The following CCNY variants were observed in gnomAD, a reference collection of about 807,000 sequenced individuals.
The protein encoded by CCNY is cyclin-Y.
CCNY carries 19 observed loss-of-function variants against 42.8 expected under a neutral mutation model. The observed-to-expected ratio is 0.44, with a 90% CI of 0.31 to 0.65. CCNY has a LOEUF of 0.65. Among genes scored for constraint, CCNY ranks in the 30% least tolerant of loss-of-function variants. The pLI is 0.07. For missense variants in CCNY, 370 were observed against 437.3 expected (o/e 0.85, Z 1.37); for synonymous variants, 165 against 162.7 (o/e 1.01, Z -0.11).
At chr10:35,302,824 A>C (rs1835554213) in intron 3 of CCNY, among the ~76,000 whole-genome samples, 1 of 152,220 alleles carries the variant, frequency 6.6e-6, no homozygotes, top group Admixed American at 6.5e-5. Flanking sequence ...AAACATTTTG[A>C]GACATGCTAG....
Position 35,416,160 on chromosome 10 carries a change from CGTGTGT to C in CCNY, c.155-67215_155-67210del, listed in dbSNP as rs57188309. ...ACCTGATCTGGAAACTTGTGGCACCCGTGTGTGTGTGTGTGTGTGTGTGTGTGTGTG... is the reference window on the plus strand; with the variant it reads ...ACCTGATCTGGAAACTTGTGGCACCCGTGTGTGTGTGTGTGTGTGTGTGTG... On this transcript the variant is annotated intron_variant, in intron 1 of 9. Transcript: ENST00000374704. Among the ~76,000 whole-genome samples, 22 of 144,590 alleles carry C rather than the reference CGTGTGT, an allele frequency of 1.5e-4. No individual in the cohort carries two copies. The East Asian group carries it at 3.3e-3, about 21-fold the overall frequency. 94.9% of individuals were successfully genotyped at this position (144,590 alleles called of 152,430 possible).
intron 7 of CCNY, among the ~76,000 whole-genome samples, chr10:35,535,988 C>G (rs1315681721): frequency 6.6e-6 from 1 of 152,140 alleles, no homozygotes; most frequent in Admixed American, 6.5e-5. Flanking sequence ...ATTATGAATC[C>G]TGCTGCTATG....
chr10:35,553,880 T>C (rs1841311191), intron 8 of CCNY, among the ~76,000 whole-genome samples: 1 of 151,846 alleles, frequency 6.6e-6, no homozygotes, highest in Non-Finnish European at 1.5e-5. Context: ...GTCTGGGGGG[T>C]CTCTAGGGAC....
At chr10:35,365,262 TACTC>T (rs1044000913) in intron 1 of CCNY, among the ~76,000 whole-genome samples, 8 of 152,230 alleles carry the variant, frequency 5.3e-5, no homozygotes, top group Non-Finnish European at 1.2e-4. Flanking sequence ...ATAAATTTGA[TACTC>T]AGCTAGAGAA....
At chr10:35,276,232 T>C (rs1835237488) in intron 3 of CCNY, among the ~76,000 whole-genome samples, 1 of 152,210 alleles carries the variant, frequency 6.6e-6, no homozygotes, top group South Asian at 2.1e-4. Context: ...TTGCTCTCTG[T>C]GCGAGGAACT....
intron 7 of CCNY, among the ~76,000 whole-genome samples, chr10:35,552,504 G>A (rs1271068605): frequency 6.6e-6 from 1 of 152,216 alleles, no homozygotes. Context: ...CAACACAACA[G>A]TGTGAATGTA....
chr10:35,305,759 T>A (rs189049990), intron 3 of CCNY, among the ~76,000 whole-genome samples: 2 of 152,176 alleles, frequency 1.3e-5, no homozygotes, highest in Admixed American at 1.3e-4. Context: ...GCTTGCTGAG[T>A]GCCCTTTGTA....
chr10:35,434,940 A>G (rs1457187373), intron 1 of CCNY, among the ~76,000 whole-genome samples: 1 of 151,954 alleles, frequency 6.6e-6, no homozygotes, highest in Non-Finnish European at 1.5e-5. Flanking sequence ...ACTCCTTTTT[A>G]CTTTGAGAAT....
At chr10:35,261,397 T>G (rs1284308255) in intron 3 of CCNY, among the ~76,000 whole-genome samples, 1 of 151,846 alleles carries the variant, frequency 6.6e-6, no homozygotes, top group Non-Finnish European at 1.5e-5. Context: ...GCTAACACTC[T>G]TGGCTAATTT....
intron 1 of CCNY, among the ~76,000 whole-genome samples, chr10:35,412,543 T>C (rs1193482676): frequency 6.6e-6 from 1 of 151,916 alleles, no homozygotes; most frequent in East Asian, 1.9e-4. Context: ...CCAGCCTAGC[T>C]GTTGAGGATT....
intron 3 of CCNY, among the ~76,000 whole-genome samples, chr10:35,292,157 C>A (rs755543401): frequency 3.3e-5 from 5 of 151,946 alleles, no homozygotes; most frequent in Non-Finnish European, 7.4e-5. Flanking sequence ...ATTTATACAT[C>A]TTTTTTGGAG....
intron 8 of CCNY, among the ~76,000 whole-genome samples, chr10:35,561,787 C>A (rs368866140): frequency 2.4e-4 from 36 of 152,348 alleles, no homozygotes; most frequent in African/African-American, 8.2e-4. Flanking sequence ...GCTTGGAAGG[C>A]AGCTGACTGT....
At chr10:35,319,548 T>A (rs114198052) in intron 3 of CCNY, among the ~76,000 whole-genome samples, 3,358 of 152,162 alleles carry the variant, frequency 0.022, 120 homozygotes, top group African/African-American at 0.076. Context: ...GACAAATTGG[T>A]TGAATGCCAC....
At chr10:35,550,552 C>T (rs1295252299) in intron 7 of CCNY, among the ~76,000 whole-genome samples, 2 of 152,086 alleles carry the variant, frequency 1.3e-5, no homozygotes, top group East Asian at 1.9e-4. Context: ...TCCCCCATGC[C>T]TGCTGCTTCT....
At chr10:35,430,508 T>C (rs1838367519) in intron 1 of CCNY, among the ~76,000 whole-genome samples, 1 of 152,118 alleles carries the variant, frequency 6.6e-6, no homozygotes, top group Non-Finnish European at 1.5e-5. Context: ...AATCAGGTTA[T>C]CAAATGGATA....
chr10:35,549,017 C>T (rs1841181543), intron 7 of CCNY, among the ~76,000 whole-genome samples: 1 of 151,936 alleles, frequency 6.6e-6, no homozygotes. Flanking sequence ...GAACAATAAT[C>T]TTTTTAAGCA....
chr10:35,432,900 A>T (rs1275077048), intron 1 of CCNY, among the ~76,000 whole-genome samples: 1 of 152,190 alleles, frequency 6.6e-6, no homozygotes, highest in Non-Finnish European at 1.5e-5. Flanking sequence ...CCAGCATCTT[A>T]TTTGATCCTT....
chr10:35,378,181 A>G (rs964308559), intron 1 of CCNY, among the ~76,000 whole-genome samples: 1 of 152,244 alleles, frequency 6.6e-6, no homozygotes, highest in South Asian at 2.1e-4. Flanking sequence ...GTCATTTGGG[A>G]AAGTATTGGT....
chr10:35,494,338 T>C (rs1406227700), intron 2 of CCNY, among the ~76,000 whole-genome samples: 1 of 151,062 alleles, frequency 6.6e-6, no homozygotes. Context: ...AGGTCTGAAA[T>C]TATATCAGCC....
Sources: gnomAD v4.1 joint callset for allele counts (sites outside exome capture counted in the v4.1 genomes callset) on GRCh38, gnomAD v4.1.1 for gene constraint, MANE v1.5 for transcripts, NCBI Gene and HGNC (gene_info 2026-07-23, HGNC 2026-07-21) for gene names.